The following ZNF487 variants were observed in gnomAD, a reference collection of about 807,000 sequenced individuals.
ZNF487 encodes KRAB domain only 1.
In ZNF487, 4 loss-of-function variants were observed where a neutral mutation model predicts 3.0. The observed-to-expected ratio is 1.35, with a 90% CI of 0.66 to 3.08. The LOEUF (loss-of-function observed/expected upper bound fraction) is 3.08, where lower values mean the gene tolerates loss of function less well. ZNF487 is among the 30% of genes most tolerant of loss of function. The pLI is 0.01. For synonymous variants in ZNF487, 55 were observed against 34.6 expected (o/e 1.59, Z -2.06); for missense variants, 146 against 98.7 (o/e 1.48, Z -2.03).
intron 1 of ZNF487, among the ~76,000 whole-genome samples, chr10:43,437,845 A>ATATTTATT (rs74788286): frequency 9.9e-5 from 15 of 151,664 alleles, no homozygotes; most frequent in East Asian, 1.9e-4. Flanking sequence ...TTGGTTGGAA[A>ATATTTATT]TATTTATTTA....
At chr10:43,489,478 T>A in the ZNF487 span, among the ~76,000 whole-genome samples, 1 of 152,120 alleles carries the variant, frequency 6.6e-6, no homozygotes, top group Non-Finnish European at 1.5e-5. Context: ...CTCAGGCTCC[T>A]GAGTAGCTGA....
intron 1 of ZNF487, among the ~76,000 whole-genome samples, chr10:43,462,308 G>A (rs149286897): frequency 4.3e-4 from 66 of 152,128 alleles, no homozygotes; most frequent in Middle Eastern, 6.8e-3. Context: ...TTCTAGCCAC[G>A]TAATCATTGA....
intron 1 of ZNF487, among the ~76,000 whole-genome samples, chr10:43,438,888 C>G (rs904397486): frequency 1.3e-5 from 2 of 151,864 alleles, no homozygotes; most frequent in Admixed American, 1.3e-4. Flanking sequence ...CCAGACCAGC[C>G]TGAGCAACAT....
intron 1 of ZNF487, among the ~76,000 whole-genome samples, chr10:43,437,619 C>T (rs928751848): frequency 2.6e-5 from 4 of 152,066 alleles, no homozygotes; most frequent in African/African-American, 9.7e-5. Context: ...AAAAGAGGCT[C>T]TTTTTAGTTT....
chr10:43,513,173 G>A, the ZNF487 span, among the ~76,000 whole-genome samples: 1 of 152,196 alleles, frequency 6.6e-6, no homozygotes, highest in Non-Finnish European at 1.5e-5. Context: ...AGCGATCAAG[G>A]TGCTTCCGAA....
chr10:43,468,630 G>A lies in ZNF487; in HGVS notation c.-93-7091G>A, dbSNP rs142412599. ...GGAGGCAGAGGTTGTGGCGAGCTGC[G>A]ATCGCGCCATTGCACTCCAGCCTGG... On this transcript the variant is annotated intron_variant, in intron 1 of 3. Coordinates refer to ENST00000437590, the MANE Select transcript of ZNF487 (RefSeq NM_001355444.3). 7.4e-3 allele frequency among the ~76,000 whole-genome samples: 986 copies of A among 133,446 alleles called. 13 individuals are homozygous for A. The highest frequency in any genetic ancestry group is 0.026 in the African/African-American group (945 of 36,078). 87.5% of individuals were successfully genotyped at this position (133,446 alleles called of 152,430 possible).
chr10:43,475,381 G>T (rs994864136), intron 1 of ZNF487, among the ~76,000 whole-genome samples: 3 of 151,976 alleles, frequency 2.0e-5, no homozygotes, highest in African/African-American at 7.3e-5. Context: ...TGGGTGTGGT[G>T]GTGCGTGCCT....
the ZNF487 span, among the ~76,000 whole-genome samples, chr10:43,513,034 A>G: frequency 2.0e-5 from 3 of 152,186 alleles, no homozygotes; most frequent in Non-Finnish European, 4.4e-5. Flanking sequence ...CAAATGTCTC[A>G]CCAGTAAGTC....
chr10:43,448,343 A>G (rs989296021), intron 1 of ZNF487, among the ~76,000 whole-genome samples: 11 of 151,872 alleles, frequency 7.2e-5, no homozygotes, highest in African/African-American at 2.4e-4. Flanking sequence ...TTTTTTTCCA[A>G]TATAACCTGG....
intron 1 of ZNF487, among the ~76,000 whole-genome samples, chr10:43,472,952 G>A (rs565083045): frequency 2.6e-5 from 4 of 151,146 alleles, no homozygotes; most frequent in South Asian, 2.1e-4. Flanking sequence ...AGGCTGAGGC[G>A]GGAGGATCAC....
chr10:43,491,642 C>T, the ZNF487 span, among the ~76,000 whole-genome samples: 6 of 151,842 alleles, frequency 4.0e-5, no homozygotes, highest in East Asian at 1.2e-3. Context: ...TTGCACTTCC[C>T]AGTCTTTGCA....
intron 1 of ZNF487, among the ~76,000 whole-genome samples, chr10:43,451,578 CTTTT>C (rs1840012418): frequency 6.9e-6 from 1 of 144,246 alleles, no homozygotes; most frequent in African/African-American, 2.6e-5. Flanking sequence ...TATTATTTTT[CTTTT>C]GAGATGGAGT....
chr10:43,498,941 C>CAAAA, the ZNF487 span, among the ~76,000 whole-genome samples: 1 of 86,516 alleles, frequency 1.2e-5, no homozygotes, highest in Non-Finnish European at 2.8e-5. Context: ...GACTCCGTCT[C>CAAAA]AAAAAAAAAA....
At chr10:43,479,991 CTT>C (rs1190624198) in intron 3 of ZNF487, among the ~76,000 whole-genome samples, 4 of 65,680 alleles carry the variant, frequency 6.1e-5, no homozygotes, top group African/African-American at 1.4e-4. Context: ...TTCCTTCTTT[CTT>C]TCTTTCTTTC....
the ZNF487 span, among the ~76,000 whole-genome samples, chr10:43,511,741 G>A: frequency 6.6e-6 from 1 of 152,134 alleles, no homozygotes; most frequent in African/African-American, 2.4e-5. Flanking sequence ...CGACGACAGG[G>A]GTGGCTGAGG....
At chr10:43,443,809 C>T (rs1037738326) in intron 1 of ZNF487, among the ~76,000 whole-genome samples, 7 of 151,866 alleles carry the variant, frequency 4.6e-5, no homozygotes, top group African/African-American at 1.7e-4. Flanking sequence ...CAGACACGAA[C>T]CACTGCACCT....
At chr10:43,483,351 C>T (rs1265531160), downstream of ZNF487, among the ~76,000 whole-genome samples, 2 of 151,860 alleles carry the variant, frequency 1.3e-5, no homozygotes, top group African/African-American at 4.8e-5. Context: ...AGCAATTCTC[C>T]TGCCTCAGCT....
chr10:43,465,865 G>A (rs1202495598), intron 1 of ZNF487, among the ~76,000 whole-genome samples: 3 of 152,164 alleles, frequency 2.0e-5, no homozygotes, highest in African/African-American at 7.2e-5. Context: ...GTAGCGAGCC[G>A]AGATCACGCC....
At chr10:43,483,911 G>T (rs971430839), downstream of ZNF487, among the ~76,000 whole-genome samples, 5 of 151,976 alleles carry the variant, frequency 3.3e-5, no homozygotes, top group Admixed American at 1.3e-4. Context: ...GAGTGCAGTG[G>T]CATGATCTCG....
Sources: gnomAD v4.1 joint callset for allele counts (sites outside exome capture counted in the v4.1 genomes callset) on GRCh38, gnomAD v4.1.1 for gene constraint, MANE v1.5 for transcripts, NCBI Gene and HGNC (gene_info 2026-07-23, HGNC 2026-07-21) for gene names.